The following TEK variants were observed in gnomAD, a reference collection of about 807,000 sequenced individuals.
TEK encodes the protein TEK receptor tyrosine kinase.
Under a neutral mutation model 131.8 loss-of-function variants are expected in TEK, and 43 were observed. That is an observed-to-expected ratio of 0.33 (90% CI 0.26 to 0.42). The LOEUF (loss-of-function observed/expected upper bound fraction) is 0.42, where lower values mean the gene tolerates loss of function less well. Ranked by LOEUF, TEK falls within the 10% of genes least tolerant of loss-of-function variation. The probability of loss-of-function intolerance (pLI) is 1.00; values close to 1 mark genes in which losing one functional copy is unlikely to be tolerated. For missense variants in TEK, 1,162 were observed against 1,384.4 expected, an observed-to-expected ratio of 0.84 and a Z score of 2.55; for synonymous variants, 580 against 491.6, an observed-to-expected ratio of 1.18 and a Z score of -2.38.
At chr9:27,143,841 C>A (rs188829554) in intron 1 of TEK, among the ~76,000 whole-genome samples, 76 of 152,258 alleles carry the variant, frequency 5.0e-4, no homozygotes, top group African/African-American at 1.8e-3. Context: ...TAAGACATAA[C>A]CCCTTCCATG....
In TEK at chr9:27,223,485, A is replaced by G. The variant is rs578149694; in HGVS notation, c.3200+3340A>G. Among the ~76,000 whole-genome samples, 5 of 152,346 alleles carry G rather than the reference A, an allele frequency of 3.3e-5. No individual in the cohort carries two copies. In the South Asian group the frequency reaches 1.0e-3, roughly 32 times the overall value. ...AACTCACTGAAAACCACACAACTAC[A>G]TGGAAACTGAACAACCTGCTCCTGA... On this transcript the variant is annotated intron_variant, in intron 21 of 22. Transcript: ENST00000380036.
chr9:27,170,919 A>G (rs560547557), intron 4 of TEK, among the ~76,000 whole-genome samples: 12 of 152,314 alleles, frequency 7.9e-5, no homozygotes, highest in African/African-American at 2.9e-4. Flanking sequence ...TCATCCATAT[A>G]AAAAGGGGGA....
intron 20 of TEK, among the ~76,000 whole-genome samples, chr9:27,219,246 T>C (rs530798780): frequency 1.3e-5 from 2 of 152,324 alleles, no homozygotes; most frequent in East Asian, 1.9e-4. Flanking sequence ...GGTAATAACA[T>C]TTATTCTTCA....
intron 1 of TEK, among the ~76,000 whole-genome samples, chr9:27,152,104 A>C (rs10511804): frequency 0.2 from 31,168 of 152,154 alleles, 3,527 homozygotes; most frequent in Admixed American, 0.25. Flanking sequence ...CTTCTGTTAC[A>C]AAGATGAAAT....
In TEK at chr9:27,197,572, G is replaced by T; in HGVS notation, c.1882G>T (p.Asp628Tyr). 1 of 1,614,028 alleles carries T rather than the reference G, an allele frequency of 6.2e-7. No homozygotes were observed. ...CAAGGCCCAGGGGGAATGGAGTGAA[G>T]ATCTCACTGCTTGGACCCTTAGTGA... Reference protein sequence around the residue: ...NTKAQGEWSEDLTAWTLSDIL... With the variant: ...NTKAQGEWSEYLTAWTLSDIL... The change falls in exon 12 of 23, where the codon GAT (aspartate) becomes TAT (tyrosine). Residue 628 changes from aspartate to tyrosine, a missense_variant. Around this residue, in one of 6 missense-constraint regions of TEK, gnomAD observed 477 missense variants for 471.0 expected, o/e 1.01. Coordinates refer to ENST00000380036, the MANE Select transcript of TEK (RefSeq NM_000459.5).
chr9:27,168,409 C>T (rs2131140793), intron 2 of TEK, 86 bp from the exon 3 acceptor site: 1 of 1,011,690 alleles, frequency 9.9e-7, no homozygotes. Flanking sequence ...AAGTGCCAGC[C>T]CTCATTTTCT....
chr9:27,151,211 A>G (rs1005663545), intron 1 of TEK, among the ~76,000 whole-genome samples: 1 of 152,176 alleles, frequency 6.6e-6, no homozygotes, highest in African/African-American at 2.4e-5. Context: ...TACATACACA[A>G]AAGGAAGACA....
intron 2 of TEK, among the ~76,000 whole-genome samples, chr9:27,160,685 T>G (rs1180982854): frequency 6.6e-6 from 1 of 152,258 alleles, no homozygotes; most frequent in Non-Finnish European, 1.5e-5. Flanking sequence ...AAACTCATTT[T>G]AAGGTCAAAA....
At chr9:27,134,703 G>A (rs1405719990) in intron 1 of TEK, among the ~76,000 whole-genome samples, 1 of 152,114 alleles carries the variant, frequency 6.6e-6, no homozygotes, top group Non-Finnish European at 1.5e-5. Context: ...ATCCTTAGAA[G>A]GAGTCAGATA....
intron 18 of TEK, among the ~76,000 whole-genome samples, chr9:27,214,151 T>C (rs952627345): frequency 3.3e-5 from 5 of 152,198 alleles, no homozygotes; most frequent in Admixed American, 2.0e-4. Flanking sequence ...AAGTACAAGA[T>C]TGCAGGAGAA....
intron 1 of TEK, among the ~76,000 whole-genome samples, chr9:27,124,978 G>A (rs75361024): frequency 0.011 from 1,664 of 152,278 alleles, 14 homozygotes; most frequent in Non-Finnish European, 0.019. Flanking sequence ...CTTCGGAACA[G>A]TCCCCAGTCG....
chr9:27,166,380 G>A (rs1422922029), intron 2 of TEK, among the ~76,000 whole-genome samples: 1 of 152,104 alleles, frequency 6.6e-6, no homozygotes, highest in African/African-American at 2.4e-5. Flanking sequence ...CAGTCTTTTT[G>A]ATTAATTTCT....
intron 1 of TEK, among the ~76,000 whole-genome samples, chr9:27,150,695 C>G (rs929782111): frequency 2.0e-5 from 3 of 152,266 alleles, no homozygotes; most frequent in Non-Finnish European, 4.4e-5. Context: ...TGGAACCATG[C>G]TTCCTGCACC....
rs1188997567 is a variant in TEK at position 27,224,344 on chromosome 9, G to C, written c.3201-3862G>C. Among the ~76,000 whole-genome samples, 6 of 152,118 alleles carry C rather than the reference G, an allele frequency of 3.9e-5. No homozygotes were observed. In the East Asian group the frequency reaches 1.2e-3, roughly 29 times the overall value. Reference sequence around the variant, plus strand: ...CAGGCCAATATCCCTGATGAACATTGATGCGAAAATTCTCAATAAAATACT... The same window carrying C: ...CAGGCCAATATCCCTGATGAACATTCATGCGAAAATTCTCAATAAAATACT... On this transcript the variant is annotated intron_variant, in intron 21 of 22. Coordinates refer to ENST00000380036, the MANE Select transcript of TEK (RefSeq NM_000459.5).
At chr9:27,201,553 T>G (rs117982767) in intron 12 of TEK, among the ~76,000 whole-genome samples, 5,534 of 152,238 alleles carry the variant, frequency 0.036, 136 homozygotes, top group East Asian at 0.071. Flanking sequence ...TGTTGATTAA[T>G]TGTGATTTTT....
rs535858363 is a variant in TEK, at chr9:27,212,536, G to A, written c.2687-171G>A. On this transcript the variant is annotated intron_variant, in intron 16 of 22. Coordinates refer to ENST00000380036, the MANE Select transcript of TEK (RefSeq NM_000459.5). The stretch of plus-strand genomic sequence containing the variant: ...TGCAGCCTGGCCCCTTTTGAGTATT[G>A]CAGGAGGGTGTCACCCGTCTTCCTC... Among the ~76,000 whole-genome samples, 5 of 152,260 alleles carry A rather than the reference G, an allele frequency of 3.3e-5. No individual in the cohort carries two copies. In the South Asian group the frequency reaches 1.0e-3, roughly 32 times the overall value.
At position 27,150,464 on chromosome 9, in the gene TEK, T is replaced by TG. The variant is rs532179018; in HGVS notation, c.53-7361dup. On this transcript the variant is annotated intron_variant, in intron 1 of 22. Transcript: ENST00000380036. ...CTCTACAAAAAATTTAAAGATTAGC[T>TG]GGGGGGAGGGGTGTTGCATGCCTGT... Among the ~76,000 whole-genome samples, 33 of 151,964 alleles carry TG rather than the reference T, an allele frequency of 2.2e-4. No individual in the cohort carries two copies. The South Asian group carries it at 6.7e-3, about 31-fold the overall frequency.
intron 1 of TEK, among the ~76,000 whole-genome samples, chr9:27,153,559 A>G (rs562068668): frequency 6.6e-6 from 1 of 152,366 alleles, no homozygotes; most frequent in East Asian, 1.9e-4. Context: ...GCAAATTATT[A>G]GCCTTCATGA....
Position 27,228,280 on chromosome 9 carries a change from T to C in TEK, c.3275T>C (p.Leu1092Ser). The change falls in exon 22 of 23, where the codon TTA (leucine) becomes TCA (serine). Residue 1092 changes from leucine to serine, a missense_variant. By Grantham distance (145) the Leu-to-Ser change is moderately radical. Coordinates refer to ENST00000380036, the MANE Select transcript of TEK (RefSeq NM_000459.5). ...TCATTTGCCCAGATATTGGTGTCCT[T>C]AAACAGAATGTTAGAGGAGCGAAAG... ...RPSFAQILVSLNRMLEERKTY... is the reference protein window; with the variant it reads ...RPSFAQILVSSNRMLEERKTY... 6.2e-7 allele frequency: 1 copy of C among 1,612,820 alleles called. No homozygotes were observed. The highest frequency in any genetic ancestry group is 8.5e-7 in the Non-Finnish European group (1 of 1,179,032).
Sources: gnomAD v4.1 joint callset for allele counts (sites outside exome capture counted in the v4.1 genomes callset) on GRCh38, gnomAD v4.1.1 for gene constraint, gnomAD v4.1.1 regional missense constraint, MANE v1.5 for transcripts, NCBI Gene and HGNC (gene_info 2026-07-23, HGNC 2026-07-21) for gene names.